PCDH15: variants seen among roughly 807,000 people sequenced by gnomAD.
PCDH15 encodes the protein protocadherin-15.
Under a neutral mutation model 178.5 loss-of-function variants are expected in PCDH15, and 129 were observed. That is an observed-to-expected ratio of 0.72 (90% confidence interval 0.63 to 0.84). The LOEUF is 0.84. Among genes scored for constraint, PCDH15 ranks in the 40% least tolerant of loss-of-function variants. PCDH15 has a pLI of 0.00. For missense variants in PCDH15, 2,230 were observed against 2,099.9 expected, an observed-to-expected ratio of 1.06 and a Z score of -1.21; for synonymous variants, 800 against 732.0, an observed-to-expected ratio of 1.09 and a Z score of -1.50.
At chr10:55,232,776 C>T (rs1841262532) in intron 1 of PCDH15, among the ~76,000 whole-genome samples, 4 of 152,034 alleles carry the variant, frequency 2.6e-5, no homozygotes, top group Admixed American at 2.6e-4. Flanking sequence ...AGGAACTGAA[C>T]CACTCTGCCC....
intron 1 of PCDH15, among the ~76,000 whole-genome samples, chr10:54,703,328 A>C (rs1318369806): frequency 6.6e-6 from 1 of 152,072 alleles, no homozygotes; most frequent in Non-Finnish European, 1.5e-5. Context: ...GAAGAAAAGA[A>C]TGCCCACTCC....
chr10:54,281,744 A>T (rs1337560278), intron 8 of PCDH15, among the ~76,000 whole-genome samples: 2 of 152,042 alleles, frequency 1.3e-5, no homozygotes, highest in African/African-American at 4.8e-5. Context: ...TTTTAGTACT[A>T]CCATCTATAA....
At chr10:54,191,582 A>G (rs1431781218) in intron 11 of PCDH15, among the ~76,000 whole-genome samples, 1 of 152,078 alleles carries the variant, frequency 6.6e-6, no homozygotes, top group East Asian at 1.9e-4. Flanking sequence ...TGTGAGCTTA[A>G]ATTTTCTTCT....
At chr10:53,907,567 A>C (rs1348024631) in intron 25 of PCDH15, among the ~76,000 whole-genome samples, 1 of 152,064 alleles carries the variant, frequency 6.6e-6, no homozygotes, top group African/African-American at 2.4e-5. Flanking sequence ...GCTTTGGGGC[A>C]CCCTGCCTTA....
At chr10:55,216,624 G>A (rs1357973579) in intron 1 of PCDH15, among the ~76,000 whole-genome samples, 1 of 151,740 alleles carries the variant, frequency 6.6e-6, no homozygotes, top group African/African-American at 2.4e-5. Flanking sequence ...AATGATAAAT[G>A]TTTAAGGTGA....
rs543574837 is a variant in PCDH15, at chr10:55,121,058, G to T, written c.-80+45518C>A. On this transcript the variant is annotated intron_variant, in intron 2 of 5. Transcript: ENST00000458638. Reference sequence around the variant, plus strand: ...ACAAGACTGCAACAGCAGCCTGGGAGAGCTGCAGGCACTCAACTCCAACCC... The same window carrying T: ...ACAAGACTGCAACAGCAGCCTGGGATAGCTGCAGGCACTCAACTCCAACCC... Among the ~76,000 whole-genome samples, 29 of 152,254 alleles carry T rather than the reference G, an allele frequency of 1.9e-4. 1 individual carries two copies. The South Asian group carries it at 4.4e-3, about 23-fold the overall frequency.
intron 3 of PCDH15, among the ~76,000 whole-genome samples, chr10:54,404,807 A>G (rs576264877): frequency 2.6e-5 from 4 of 152,216 alleles, no homozygotes; most frequent in African/African-American, 7.2e-5. Flanking sequence ...ATTTTTAAGG[A>G]AAAAAACCAT....
At chr10:55,074,902 T>C (rs188286645) in intron 2 of PCDH15, among the ~76,000 whole-genome samples, 21 of 152,236 alleles carry the variant, frequency 1.4e-4, no homozygotes, top group Non-Finnish European at 2.6e-4. Context: ...ATAAGGTATA[T>C]GGAAGGGGTC....
intron 2 of PCDH15, among the ~76,000 whole-genome samples, chr10:55,036,585 C>T (rs1840739314): frequency 6.6e-6 from 1 of 152,062 alleles, no homozygotes; most frequent in African/African-American, 2.4e-5. Context: ...GCAGTATATC[C>T]CTCCTCAGCC....
At chr10:54,571,616 A>T (rs1302200428) in intron 2 of PCDH15, among the ~76,000 whole-genome samples, 3 of 152,098 alleles carry the variant, frequency 2.0e-5, no homozygotes, top group Non-Finnish European at 4.4e-5. Context: ...GAATGGAAAT[A>T]AAAAAATGAA....
intron 3 of PCDH15, among the ~76,000 whole-genome samples, chr10:54,877,389 A>G (rs1954165320): frequency 6.6e-6 from 1 of 152,166 alleles, no homozygotes; most frequent in Admixed American, 6.6e-5. Flanking sequence ...TAAAATGACA[A>G]TTATCTAATT....
intron 2 of PCDH15, among the ~76,000 whole-genome samples, chr10:55,398,310 A>G (rs992261571): frequency 1.3e-5 from 2 of 152,190 alleles, no homozygotes; most frequent in African/African-American, 4.8e-5. Context: ...AAAGACTTAA[A>G]GTATTCAATT....
chr10:55,176,474 C>G (rs2132129167), intron 1 of PCDH15, among the ~76,000 whole-genome samples: 1 of 152,194 alleles, frequency 6.6e-6, no homozygotes, highest in Admixed American at 6.5e-5. Context: ...CTGTCCAGAT[C>G]CATTGTAAAG....
chr10:55,230,742 T>G (rs1841191929), intron 1 of PCDH15, among the ~76,000 whole-genome samples: 1 of 152,006 alleles, frequency 6.6e-6, no homozygotes, highest in African/African-American at 2.4e-5. Flanking sequence ...TATGCTCGAT[T>G]TGTTGGTGGC....
intron 2 of PCDH15, among the ~76,000 whole-genome samples, chr10:55,132,129 G>C (rs1280360420): frequency 6.6e-6 from 1 of 152,130 alleles, no homozygotes; most frequent in Admixed American, 6.5e-5. Flanking sequence ...AGCCCCAGCC[G>C]TGCCTCCCCT....
chr10:55,575,768 C>T (rs186868223), intron 2 of PCDH15: 1 of 152,274 alleles, frequency 6.6e-6, no homozygotes, highest in East Asian at 1.9e-4. Context: ...GGAGGAAATT[C>T]ACGAACAATT....
At chr10:54,146,363 C>T (rs574441831) in intron 14 of PCDH15, among the ~76,000 whole-genome samples, 2 of 151,822 alleles carry the variant, frequency 1.3e-5, no homozygotes, top group South Asian at 4.1e-4. Flanking sequence ...TCATTTTTAT[C>T]GTAATTTTAT....
At chr10:55,087,757 T>G (rs1842210099) in intron 2 of PCDH15, among the ~76,000 whole-genome samples, 1 of 152,098 alleles carries the variant, frequency 6.6e-6, no homozygotes, top group Admixed American at 6.6e-5. Flanking sequence ...CACAACAGGA[T>G]ATCTTAAGCC....
intron 2 of PCDH15, among the ~76,000 whole-genome samples, chr10:55,129,657 C>T (rs1263814810): frequency 6.6e-6 from 1 of 152,004 alleles, no homozygotes; most frequent in Non-Finnish European, 1.5e-5. Flanking sequence ...CTTTCTGTAC[C>T]TGTCAGTTTT....
Sources: gnomAD v4.1 joint callset for allele counts (sites outside exome capture counted in the v4.1 genomes callset) on GRCh38, gnomAD v4.1.1 for gene constraint, MANE v1.5 for transcripts, NCBI Gene and HGNC (gene_info 2026-07-23, HGNC 2026-07-21) for gene names.